Variants in CYP2C19 observed in about 807,000 individuals in gnomAD.
The protein encoded by CYP2C19 is cytochrome P450 2C19.
Under a neutral mutation model 40.9 loss-of-function variants are expected in CYP2C19, and 59 were observed. The observed-to-expected ratio is 1.44, with a 90% CI of 1.17 to 1.79. The LOEUF is 1.79. Ranked by LOEUF, CYP2C19 falls within the 40% of genes most tolerant of loss-of-function variation. CYP2C19 has a pLI of 0.00. For missense variants in CYP2C19, 754 were observed against 596.9 expected (o/e 1.26, Z -2.74); for synonymous variants, 253 against 208.7 (o/e 1.21, Z -1.83).
rs544818929 is a variant in CYP2C19, at chr10:94,846,962, T to C, written c.1150-2955T>C. On this transcript the variant is annotated intron_variant, in intron 7 of 8. Coordinates refer to ENST00000371321, the MANE Select transcript of CYP2C19 (RefSeq NM_000769.4). ...CTTGTGACTATACTTGTTACCATTC[T>C]AGAAGACGTCGTTTGAAGCTCAATC... 9.2e-5 allele frequency among the ~76,000 whole-genome samples: 14 copies of C among 152,308 alleles called. No individual in the cohort carries two copies. The South Asian group carries it at 1.9e-3, about 20-fold the overall frequency.
chr10:94,817,028 G>A (rs11188085), intron 5 of CYP2C19, among the ~76,000 whole-genome samples: 35,847 of 99,974 alleles, frequency 0.36, 6,812 homozygotes, highest in Admixed American at 0.5. Context: ...GAATAATGCC[G>A]CAATAAACAT....
chr10:94,817,720 G>C (rs578105839), intron 5 of CYP2C19, among the ~76,000 whole-genome samples: 1 of 151,974 alleles, frequency 6.6e-6, no homozygotes. Flanking sequence ...TAGGTCTAAC[G>C]TTTAAATCTT....
At chr10:94,850,161 G>T in intron 8 of CYP2C19, 103 bp downstream of exon 8, 1 of 1,349,912 alleles carries the variant, frequency 7.4e-7, no homozygotes, top group Non-Finnish European at 1.1e-6. Flanking sequence ...GTTACTCTTT[G>T]TACATGATCA....
At chr10:94,835,387 T>C (rs1420611512) in intron 6 of CYP2C19, among the ~76,000 whole-genome samples, 1 of 152,216 alleles carries the variant, frequency 6.6e-6, no homozygotes. Flanking sequence ...CCTTTTTTGG[T>C]GGCTAGCCAT....
At chr10:94,780,452 T>C (rs910955910) in intron 3 of CYP2C19, 47 bp from the exon 4 acceptor site, 6 of 1,604,726 alleles carry the variant, frequency 3.7e-6, no homozygotes, top group Middle Eastern at 2.3e-4. Flanking sequence ...TGAAGTGTTT[T>C]ATATCTAATG....
intron 5 of CYP2C19, among the ~76,000 whole-genome samples, chr10:94,792,224 C>T (rs1300359501): frequency 6.6e-6 from 1 of 152,104 alleles, no homozygotes; most frequent in East Asian, 1.9e-4. Flanking sequence ...GGTAGATCTT[C>T]CTCCATCCCT....
chr10:94,801,560 T>C (rs1391613346), intron 5 of CYP2C19, among the ~76,000 whole-genome samples: 6 of 152,186 alleles, frequency 3.9e-5, no homozygotes, highest in Non-Finnish European at 1.5e-5. Flanking sequence ...GATAAGAATG[T>C]ATATTCTGTT....
intron 6 of CYP2C19, among the ~76,000 whole-genome samples, chr10:94,839,137 A>T (rs1849450422): frequency 1.3e-5 from 2 of 152,194 alleles, no homozygotes; most frequent in Non-Finnish European, 1.5e-5. Flanking sequence ...TCCAGGGTGC[A>T]TAACCACCCA....
chr10:94,853,051 A>C lies in CYP2C19; in HGVS notation c.*137A>C. Reference sequence around the variant, plus strand: ...TTCCCCCAAGATCTAGTGAACATTCAGCCTCCATTAAAAAAGTTTCACTGT... The same window carrying C: ...TTCCCCCAAGATCTAGTGAACATTCCGCCTCCATTAAAAAAGTTTCACTGT... On this transcript the variant is annotated 3_prime_UTR_variant, in exon 9 of 9. Coordinates refer to ENST00000371321, the MANE Select transcript of CYP2C19 (RefSeq NM_000769.4). 1.1e-6 allele frequency: 1 copy of C among 920,446 alleles called. No homozygotes were observed. 57.0% of individuals were successfully genotyped at this position (920,446 alleles called of 1,614,324 possible). A position where few individuals can be genotyped will look rare whatever the true frequency, so the allele number is the denominator to read the frequency against.
chr10:94,838,650 T>G (rs1445559574), intron 6 of CYP2C19, among the ~76,000 whole-genome samples: 2 of 152,052 alleles, frequency 1.3e-5, no homozygotes, highest in African/African-American at 4.8e-5. Flanking sequence ...CGGTTTGTGT[T>G]GAAGGGGGAT....
intron 6 of CYP2C19, among the ~76,000 whole-genome samples, chr10:94,838,562 C>G (rs902650940): frequency 6.6e-6 from 1 of 152,130 alleles, no homozygotes; most frequent in East Asian, 1.9e-4. Context: ...CCTCCTCCCT[C>G]TGCTTGGAGG....
At chr10:94,826,917 A>C (rs1375369038) in intron 6 of CYP2C19, among the ~76,000 whole-genome samples, 1 of 152,126 alleles carries the variant, frequency 6.6e-6, no homozygotes, top group East Asian at 1.9e-4. Context: ...GTATTGAGAT[A>C]ATCATGTGGT....
intron 5 of CYP2C19, among the ~76,000 whole-genome samples, chr10:94,809,873 GTGTT>G (rs1156384986): frequency 1.3e-5 from 2 of 151,770 alleles, no homozygotes; most frequent in Non-Finnish European, 2.9e-5. Context: ...ATGTTTGTGT[GTGTT>G]TGTTTATTTA....
At chr10:94,817,229 C>T (rs2134265031) in intron 5 of CYP2C19, among the ~76,000 whole-genome samples, 1 of 147,792 alleles carries the variant, frequency 6.8e-6, no homozygotes, top group East Asian at 2.1e-4. Context: ...TCCACATCCT[C>T]TCCAGCACCT....
intron 7 of CYP2C19, among the ~76,000 whole-genome samples, chr10:94,844,296 T>C (rs1389894352): frequency 2.0e-5 from 3 of 152,228 alleles, no homozygotes; most frequent in Non-Finnish European, 4.4e-5. Flanking sequence ...AAAGAAAGAT[T>C]CATTCCTCTC....
chr10:94,816,369 T>C (rs1421052814), intron 5 of CYP2C19, among the ~76,000 whole-genome samples: 2 of 151,896 alleles, frequency 1.3e-5, no homozygotes, highest in African/African-American at 4.8e-5. Context: ...ACTTCCAACA[T>C]AAACATTTTA....
intron 6 of CYP2C19, among the ~76,000 whole-genome samples, chr10:94,829,952 C>T (rs545405624): frequency 6.6e-6 from 1 of 152,304 alleles, no homozygotes; most frequent in African/African-American, 2.4e-5. Flanking sequence ...GGATTGCCTC[C>T]CAGTTAGGCT....
At chr10:94,779,859 C>T (rs1216686274) in intron 3 of CYP2C19, among the ~76,000 whole-genome samples, 1 of 152,144 alleles carries the variant, frequency 6.6e-6, no homozygotes, top group Non-Finnish European at 1.5e-5. Flanking sequence ...TGTGCCCTAT[C>T]TAATTTACTT....
rs190447601 is a variant in CYP2C19 at position 94,811,480 on chromosome 10, G to T, written c.820-9016G>T. Among the ~76,000 whole-genome samples, 257 of 152,180 alleles carry T rather than the reference G, an allele frequency of 1.7e-3. 1 individual carries two copies. The highest frequency in any genetic ancestry group is 3.0e-3 in the Non-Finnish European group (201 of 68,012). ...TGATCTGTCTAATATTGACAGTGGG[G>T]TGTTAAAGCCTCCATCTATTATTGT... On this transcript the variant is annotated intron_variant, in intron 5 of 8. Coordinates refer to ENST00000371321, the MANE Select transcript of CYP2C19 (RefSeq NM_000769.4).
Sources: gnomAD v4.1 joint callset for allele counts (sites outside exome capture counted in the v4.1 genomes callset) on GRCh38, gnomAD v4.1.1 for gene constraint, MANE v1.5 for transcripts, NCBI Gene and HGNC (gene_info 2026-07-23, HGNC 2026-07-21) for gene names.